Variants in CNTNAP5 observed in about 807,000 individuals in gnomAD.
The protein encoded by CNTNAP5 is contactin associated protein family member 5.
CNTNAP5 carries 72 observed loss-of-function variants against 150.2 expected under a neutral mutation model. That is an observed-to-expected ratio of 0.48 (90% CI 0.40 to 0.58). CNTNAP5 has a LOEUF of 0.58. CNTNAP5 is among the 20% of genes least tolerant of loss of function. The pLI, the probability that CNTNAP5 is intolerant of heterozygous loss-of-function variation, is 0.00. For missense variants in CNTNAP5, 1,636 were observed against 1,626.2 expected (o/e 1.01, Z -0.10); for synonymous variants, 672 against 619.8 (o/e 1.08, Z -1.25).
chr2:124,540,335 T>C (rs923508059), intron 10 of CNTNAP5, among the ~76,000 whole-genome samples: 3 of 152,200 alleles, frequency 2.0e-5, no homozygotes, highest in Non-Finnish European at 4.4e-5. Flanking sequence ...TGTAAAACCC[T>C]ATACTCTGAA....
intron 3 of CNTNAP5, among the ~76,000 whole-genome samples, chr2:124,283,958 T>C (rs2104626037): frequency 6.6e-6 from 1 of 152,318 alleles, no homozygotes; most frequent in East Asian, 1.9e-4. Context: ...ATGTCAGTAC[T>C]GGGGTAGGGA....
At chr2:124,073,101 A>G (rs1450997747) in intron 1 of CNTNAP5, among the ~76,000 whole-genome samples, 2 of 152,140 alleles carry the variant, frequency 1.3e-5, no homozygotes, top group African/African-American at 4.8e-5. Context: ...AAGGACATAC[A>G]TTGGAGAAAA....
chr2:124,859,495 T>C (rs1293649052), intron 19 of CNTNAP5, among the ~76,000 whole-genome samples: 2 of 152,322 alleles, frequency 1.3e-5, no homozygotes, highest in Middle Eastern at 3.4e-3. Context: ...GTGGAAGTCA[T>C]TGTGGCGATT....
At chr2:124,698,485 A>G (rs937616211) in intron 13 of CNTNAP5, among the ~76,000 whole-genome samples, 6 of 151,914 alleles carry the variant, frequency 3.9e-5, no homozygotes, top group African/African-American at 1.5e-4. Flanking sequence ...TTTTTCTTAA[A>G]CTTTTGTAAG....
At chr2:124,699,504 C>G (rs1295939968) in intron 13 of CNTNAP5, among the ~76,000 whole-genome samples, 1 of 152,190 alleles carries the variant, frequency 6.6e-6, no homozygotes, top group Non-Finnish European at 1.5e-5. Flanking sequence ...TTGCTTCACT[C>G]AGCAGAGTCA....
intron 6 of CNTNAP5, among the ~76,000 whole-genome samples, chr2:124,461,041 G>A (rs1049003537): frequency 6.6e-6 from 1 of 152,148 alleles, no homozygotes; most frequent in Non-Finnish European, 1.5e-5. Flanking sequence ...GTGCTGGAGA[G>A]GATGTGGAGA....
At chr2:124,493,102 C>T (rs143131758) in intron 7 of CNTNAP5, among the ~76,000 whole-genome samples, 29 of 152,124 alleles carry the variant, frequency 1.9e-4, no homozygotes, top group Admixed American at 4.6e-4. Context: ...ATAGGTTTGT[C>T]TTATATGGTC....
chr2:124,648,668 A>G (rs1023376981), intron 13 of CNTNAP5, among the ~76,000 whole-genome samples: 4 of 152,206 alleles, frequency 2.6e-5, no homozygotes, highest in African/African-American at 9.6e-5. Context: ...AACAACAAAA[A>G]CAACTTCTAG....
chr2:124,491,443 A>G (rs1694023594), intron 7 of CNTNAP5, among the ~76,000 whole-genome samples: 1 of 55,302 alleles, frequency 1.8e-5, no homozygotes, highest in African/African-American at 5.6e-5. Flanking sequence ...ATATATATAC[A>G]CACACATATG....
rs79919998 is a variant in CNTNAP5 at position 124,383,802 on chromosome 2, C to T, written c.382-33641C>T. Among the ~76,000 whole-genome samples, 663 of 152,274 alleles carry T rather than the reference C, an allele frequency of 4.4e-3. 3 individuals carry two copies. The highest frequency in any genetic ancestry group is 0.015 in the African/African-American group (610 of 41,560). On this transcript the variant is annotated intron_variant, in intron 3 of 23. Transcript: ENST00000682447. ...ATTTTATCATTTACTAATTGTTTCACATGAATATACTTTTTACTCTTTAAT... is the reference window on the plus strand; with the variant it reads ...ATTTTATCATTTACTAATTGTTTCATATGAATATACTTTTTACTCTTTAAT...
rs1216534877 is a variant in CNTNAP5, at chr2:124,917,047, G to A, written c.*2759G>A. Among the ~76,000 whole-genome samples the A allele has an allele frequency of 6.6e-6, 1 of 152,032 alleles. No homozygotes were observed. Among genetic ancestry groups the A allele is most frequent in the Non-Finnish European group, 1.5e-5 (1 of 67,986 alleles). ...GTTTTATGTAATTGTTCAATTGTGT[G>A]AGTGTTTTAATCCTTCTGCAATTAT... On this transcript the variant is annotated 3_prime_UTR_variant, in exon 24 of 24. Transcript: ENST00000682447.
intron 14 of CNTNAP5, among the ~76,000 whole-genome samples, chr2:124,760,566 A>C (rs2105161041): frequency 6.6e-6 from 1 of 152,110 alleles, no homozygotes; most frequent in East Asian, 1.9e-4. Context: ...CTTGCTCTTG[A>C]GAATATTTAA....
At chr2:124,827,093 T>A (rs1173110816) in intron 19 of CNTNAP5, among the ~76,000 whole-genome samples, 2 of 152,046 alleles carry the variant, frequency 1.3e-5, no homozygotes, top group Non-Finnish European at 2.9e-5. Context: ...CCTAATATTT[T>A]TTATTATTTC....
intron 13 of CNTNAP5, among the ~76,000 whole-genome samples, chr2:124,706,174 T>G (rs1027292603): frequency 6.6e-6 from 1 of 152,110 alleles, no homozygotes; most frequent in African/African-American, 2.4e-5. Flanking sequence ...AAAAGACGAG[T>G]GTTCCCTTTC....
At chr2:124,844,238 A>T in intron 19 of CNTNAP5, among the ~76,000 whole-genome samples, 1 of 152,076 alleles carries the variant, frequency 6.6e-6, no homozygotes, top group East Asian at 1.9e-4. Flanking sequence ...GGGGCTTGAC[A>T]ATTATCCCAA....
intron 14 of CNTNAP5, among the ~76,000 whole-genome samples, chr2:124,761,664 C>CT (rs1558765353): frequency 6.6e-6 from 1 of 152,042 alleles, no homozygotes; most frequent in Non-Finnish European, 1.5e-5. Flanking sequence ...GATTCGCATG[C>CT]TTTTTGACTT....
intron 13 of CNTNAP5, among the ~76,000 whole-genome samples, chr2:124,703,109 T>TCCTTCCTC (rs1553433060): frequency 2.1e-5 from 3 of 143,174 alleles, no homozygotes; most frequent in Non-Finnish European, 3.1e-5. Context: ...CTTCCTTCCT[T>TCCTTCCTC]CCTCCCTCCC....
At chr2:124,583,018 C>T (rs1294740831) in intron 11 of CNTNAP5, among the ~76,000 whole-genome samples, 1 of 152,170 alleles carries the variant, frequency 6.6e-6, no homozygotes, top group Non-Finnish European at 1.5e-5. Context: ...CTTGACACCT[C>T]ATTATTGGTG....
At chr2:124,489,195 G>A (rs72843178) in intron 7 of CNTNAP5, among the ~76,000 whole-genome samples, 31,270 of 152,112 alleles carry the variant, frequency 0.21, 3,574 homozygotes, top group East Asian at 0.34. Context: ...CACTGTATTA[G>A]TCTGCTCTCA....
Sources: gnomAD v4.1 joint callset for allele counts (sites outside exome capture counted in the v4.1 genomes callset) on GRCh38, gnomAD v4.1.1 for gene constraint, MANE v1.5 for transcripts, NCBI Gene and HGNC (gene_info 2026-07-23, HGNC 2026-07-21) for gene names.